Variants in FGFR2 observed in about 807,000 individuals in gnomAD.
FGFR2 encodes the protein BEK fibroblast growth factor receptor.
A neutral mutation model predicts 95.9 loss-of-function variants in FGFR2; 19 were observed. That is an observed-to-expected ratio of 0.20 (90% confidence interval 0.14 to 0.29). The LOEUF (loss-of-function observed/expected upper bound fraction) is 0.29, where lower values mean the gene tolerates loss of function less well. Ranked by LOEUF, FGFR2 falls within the 10% of genes least tolerant of loss-of-function variation. The probability of loss-of-function intolerance (pLI) is 1.00; values close to 1 mark genes in which losing one functional copy is unlikely to be tolerated. For missense variants in FGFR2, 707 were observed against 1,056.9 expected (o/e 0.67, Z 4.59); for synonymous variants, 392 against 393.3 (o/e 1.00, Z 0.04).
At chr10:121,556,127 TGGAC>T (rs1325014679) in intron 4 of FGFR2, among the ~76,000 whole-genome samples, 1 of 150,286 alleles carries the variant, frequency 6.7e-6, no homozygotes, top group Non-Finnish European at 1.5e-5. Flanking sequence ...GATGGATGGA[TGGAC>T]GGACGGATGG....
chr10:121,494,418 A>C (rs773942289), intron 13 of FGFR2, among the ~76,000 whole-genome samples: 9 of 152,240 alleles, frequency 5.9e-5, no homozygotes, highest in Non-Finnish European at 1.3e-4. Context: ...AGGATTTAAT[A>C]AAATGACTGA....
chr10:121,597,835 C>T (rs961784821), intron 1 of FGFR2, 127 bp downstream of exon 1: 67 of 362,560 alleles, frequency 1.8e-4, no homozygotes, highest in Non-Finnish European at 2.9e-4. Flanking sequence ...GGACACGGAG[C>T]GTCCTCCACA....
intron 6 of FGFR2, chr10:121,526,665 G>A (rs1225510932): frequency 1.3e-5 from 5 of 398,498 alleles, no homozygotes; most frequent in Non-Finnish European, 2.2e-5. Context: ...CCCACAGCCA[G>A]TATCTTGGCT....
In FGFR2 at chr10:121,529,463, T is replaced by G. The variant is rs118116595; in HGVS notation, c.748+9129A>C. Among the ~76,000 whole-genome samples, 1,417 of 152,258 alleles carry G rather than the reference T, an allele frequency of 9.3e-3. 13 individuals are homozygous for G. The highest frequency in any genetic ancestry group is 0.014 in the Non-Finnish European group (980 of 68,016). On this transcript the variant is annotated intron_variant, in intron 6 of 17. Coordinates refer to ENST00000358487, the MANE Select transcript of FGFR2 (RefSeq NM_000141.5). The stretch of plus-strand genomic sequence containing the variant: ...TTTACCTTTCAGTTTCAGTCCAGAG[T>G]GTACACTGAACCAGTAAAATGAAAA...
intron 4 of FGFR2, among the ~76,000 whole-genome samples, chr10:121,560,615 CAAAAAAAAAAAAAAA>C (rs34753296): frequency 1.9e-5 from 1 of 51,794 alleles, no homozygotes; most frequent in African/African-American, 6.9e-5. Flanking sequence ...ACTCCGTCCC[CAAAAAAAAAAAAAAA>C]AAAAAAAAAA....
intron 17 of FGFR2, among the ~76,000 whole-genome samples, chr10:121,481,614 T>C (rs1844697432): frequency 6.6e-6 from 1 of 152,202 alleles, no homozygotes; most frequent in African/African-American, 2.4e-5. Context: ...GGAACCGTTT[T>C]TCTTGAGCAT....
At chr10:121,525,429 TTC>T (rs148849123) in intron 6 of FGFR2, among the ~76,000 whole-genome samples, 3 of 151,954 alleles carry the variant, frequency 2.0e-5, no homozygotes, top group Admixed American at 1.3e-4. Context: ...TCTCCCAGCG[TTC>T]TCTCTCTCTC....
At chr10:121,509,086 T>C (rs977164017) in intron 9 of FGFR2, among the ~76,000 whole-genome samples, 3 of 152,204 alleles carry the variant, frequency 2.0e-5, no homozygotes, top group African/African-American at 4.8e-5. Context: ...ACTATTAAAT[T>C]CTCTTTTCTT....
chr10:121,550,949 C>T (rs1435585254), intron 5 of FGFR2, among the ~76,000 whole-genome samples: 3 of 152,086 alleles, frequency 2.0e-5, no homozygotes, highest in Admixed American at 6.5e-5. Context: ...GGCTGGGCAT[C>T]GTGGCTCACA....
chr10:121,484,824 T>C (rs754865308), intron 16 of FGFR2, among the ~76,000 whole-genome samples: 1 of 152,186 alleles, frequency 6.6e-6, no homozygotes, highest in African/African-American at 2.4e-5. Context: ...AAGTGAGACC[T>C]AGGTAACCAA....
chr10:121,558,431 T>C (rs1856489701), intron 4 of FGFR2, among the ~76,000 whole-genome samples: 1 of 152,180 alleles, frequency 6.6e-6, no homozygotes, highest in African/African-American at 2.4e-5. Flanking sequence ...ACTGTTCCAC[T>C]TGGAAACATC....
intron 13 of FGFR2, among the ~76,000 whole-genome samples, chr10:121,494,513 A>G (rs1175244984): frequency 6.6e-6 from 1 of 152,142 alleles, no homozygotes; most frequent in East Asian, 1.9e-4. Context: ...CAGGTAGGGC[A>G]GGGAGTGATC....
chr10:121,492,112 G>A (rs569573244), intron 13 of FGFR2, among the ~76,000 whole-genome samples: 1 of 152,224 alleles, frequency 6.6e-6, no homozygotes, highest in African/African-American at 2.4e-5. Flanking sequence ...GGAGGCCAAG[G>A]CTGCAGTGAG....
intron 2 of FGFR2, among the ~76,000 whole-genome samples, chr10:121,578,254 C>G (rs1451107771): frequency 6.6e-6 from 1 of 151,998 alleles, no homozygotes; most frequent in Non-Finnish European, 1.5e-5. Flanking sequence ...CGCATTGAGG[C>G]TTGGTTGCTC....
At chr10:121,502,930 CCCA>C (rs1313236581) in intron 10 of FGFR2, among the ~76,000 whole-genome samples, 1 of 152,134 alleles carries the variant, frequency 6.6e-6, no homozygotes, top group East Asian at 1.9e-4. Context: ...GACTCCATGC[CCCA>C]CACGATGATC....
chr10:121,589,560 A>C (rs1481537056), intron 2 of FGFR2, among the ~76,000 whole-genome samples: 2 of 152,216 alleles, frequency 1.3e-5, no homozygotes, highest in Admixed American at 1.3e-4. Flanking sequence ...GGTTGAAATA[A>C]ACAGACAAAA....
rs575298757 is a variant in FGFR2, at chr10:121,483,301, C to T, written c.2301+397G>A. Among the ~76,000 whole-genome samples, 4 of 152,228 alleles carry T rather than the reference C, an allele frequency of 2.6e-5. No homozygotes were observed. The East Asian group carries it at 5.8e-4, about 22-fold the overall frequency. On this transcript the variant is annotated intron_variant, in intron 17 of 17. Transcript: ENST00000358487. The stretch of plus-strand genomic sequence containing the variant: ...TTGTATTCCATCAAGCAAATGATGA[C>T]GAACATTATCAGTTTACCCACTAAT...
chr10:121,597,498 C>A (rs939421131), intron 1 of FGFR2, among the ~76,000 whole-genome samples: 3 of 152,236 alleles, frequency 2.0e-5, no homozygotes, highest in Admixed American at 6.5e-5. Flanking sequence ...CCCACCCCAG[C>A]GGCCCCCTCC....
chr10:121,513,720 G>A (rs1849339755), intron 9 of FGFR2, among the ~76,000 whole-genome samples: 1 of 152,056 alleles, frequency 6.6e-6, no homozygotes, highest in Non-Finnish European at 1.5e-5. Context: ...TGGCAGACGT[G>A]ACCCAACAGG....
Sources: allele counts gnomAD v4.1 joint callset (sites outside exome capture counted in the v4.1 genomes callset), GRCh38; gene constraint gnomAD v4.1.1; transcripts MANE v1.5; gene names NCBI Gene and HGNC (gene_info 2026-07-23, HGNC 2026-07-21).